ACSM1: variants seen among roughly 807,000 people sequenced by gnomAD.
The protein encoded by ACSM1 is acyl-CoA synthetase medium chain family member 1, also known as acyl-coenzyme A synthetase ACSM1, mitochondrial.
ACSM1 carries 79 observed loss-of-function variants against 75.8 expected under a neutral mutation model. The ratio of observed to expected loss-of-function variants is 1.04; its 90% confidence interval spans 0.87 to 1.26. The LOEUF is 1.26. ACSM1 is among the 50% of genes most tolerant of loss of function. The probability of loss-of-function intolerance (pLI) is 0.00; values close to 1 mark genes in which losing one functional copy is unlikely to be tolerated. For synonymous variants in ACSM1, 279 were observed against 265.8 expected (o/e 1.05, Z -0.48); for missense variants, 676 against 720.1 (o/e 0.94, Z 0.70).
At position 20,625,572 on chromosome 16, in the gene ACSM1, G is replaced by C. The variant is rs774585776; in HGVS notation, c.1428-50C>G. Reference sequence around the variant, plus strand: ...AGATGCCAGGGCTGGGGTGAACCAAGTCCCCAGATCTCCTGCTTTGGAGTC... The same window carrying C: ...AGATGCCAGGGCTGGGGTGAACCAACTCCCCAGATCTCCTGCTTTGGAGTC... On this transcript the variant is annotated intron_variant, in intron 11 of 13. Coordinates refer to ENST00000520010, the MANE Select transcript of ACSM1 (RefSeq NM_001318890.3). 2.0e-6 allele frequency: 3 copies of C among 1,535,780 alleles called. No homozygotes were observed. The Admixed American group carries it at 5.2e-5, about 27-fold the overall frequency.
chr16:20,623,648 T>G, intron 13 of ACSM1, 76 bp from the exon 14 acceptor site: 1 of 1,413,206 alleles, frequency 7.1e-7, no homozygotes. Flanking sequence ...TCTCCTCCTC[T>G]GCCCCTCCAC....
At chr16:20,664,795 C>G (rs895771803) in intron 6 of ACSM1, among the ~76,000 whole-genome samples, 2 of 152,062 alleles carry the variant, frequency 1.3e-5, no homozygotes, top group Non-Finnish European at 2.9e-5. Flanking sequence ...AAAATCTTAC[C>G]AAAGTACATT....
chr16:20,663,860 T>G (rs1432169137), intron 6 of ACSM1, among the ~76,000 whole-genome samples: 1 of 152,202 alleles, frequency 6.6e-6, no homozygotes, highest in Admixed American at 6.6e-5. Context: ...TGAAGTAGGC[T>G]TCTGTTACTG....
chr16:20,644,694 G>C (rs1270837470), intron 7 of ACSM1, among the ~76,000 whole-genome samples: 1 of 152,164 alleles, frequency 6.6e-6, no homozygotes, highest in East Asian at 1.9e-4. Flanking sequence ...AAGCCTTAAA[G>C]TACAAAGCCA....
At chr16:20,634,284 A>G (rs1203186696) in intron 10 of ACSM1, among the ~76,000 whole-genome samples, 2 of 152,196 alleles carry the variant, frequency 1.3e-5, no homozygotes, top group African/African-American at 2.4e-5. Context: ...TGGTTTGGTA[A>G]TTTATTTCAA....
intron 10 of ACSM1, among the ~76,000 whole-genome samples, chr16:20,633,004 T>C (rs1250455388): frequency 2.6e-5 from 4 of 152,126 alleles, no homozygotes; most frequent in African/African-American, 9.7e-5. Flanking sequence ...CTAAATAAAC[T>C]AGGAAACTTC....
intron 7 of ACSM1, among the ~76,000 whole-genome samples, chr16:20,644,186 A>G (rs1449244345): frequency 6.6e-6 from 1 of 152,244 alleles, no homozygotes; most frequent in Non-Finnish European, 1.5e-5. Flanking sequence ...ATCCTAACCA[A>G]GTAACCCACA....
At chr16:20,623,988 T>C (rs776600392) in intron 13 of ACSM1, 108 bp downstream of exon 13, 42 of 1,510,092 alleles carry the variant, frequency 2.8e-5, no homozygotes, top group African/African-American at 4.1e-5. Context: ...CCTTCAGTGT[T>C]GTAAACCTCC....
chr16:20,687,160 A>T (rs1251821005), intron 2 of ACSM1, among the ~76,000 whole-genome samples: 1 of 152,042 alleles, frequency 6.6e-6, no homozygotes, highest in East Asian at 1.9e-4. Context: ...GTCTTGCCTG[A>T]CTTGCAGGTC....
chr16:20,631,498 T>C (rs2017344195), intron 10 of ACSM1, among the ~76,000 whole-genome samples: 1 of 152,194 alleles, frequency 6.6e-6, no homozygotes, highest in Non-Finnish European at 1.5e-5. Context: ...TACCATTCGA[T>C]CCAGCAATCC....
At chr16:20,668,778 G>T (rs1377285368) in intron 6 of ACSM1, among the ~76,000 whole-genome samples, 1 of 152,170 alleles carries the variant, frequency 6.6e-6, no homozygotes, top group African/African-American at 2.4e-5. Context: ...GCAAATGGAG[G>T]ATGTTCTTTG....
chr16:20,682,376 G>GT lies in ACSM1; in HGVS notation c.490dup (p.Thr164AsnfsTer27). The GT allele has an allele frequency of 6.2e-7, 1 of 1,613,956 alleles. No individual in the cohort carries two copies. Among genetic ancestry groups the GT allele is most frequent in the Non-Finnish European group, 8.5e-7 (1 of 1,179,844 alleles). On this transcript the variant is annotated frameshift_variant, in exon 4 of 14. Coordinates refer to ENST00000520010, the MANE Select transcript of ACSM1 (RefSeq NM_001318890.3). LOFTEE classifies it high-confidence loss of function. ...CACCTCTGAGGCAAGGGCATCTATG[G>GT]TCACAATGCCCTTGGCTTTAGACAA...
At position 20,649,557 on chromosome 16, in the gene ACSM1, C is replaced by G. The variant is rs555017092; in HGVS notation, c.993-8973G>C. ...ATTTTACAACCTGTTCTCTCTCTCT[C>G]TCTCTGATGTCTGGTATCTGACAGA... On this transcript the variant is annotated intron_variant, in intron 7 of 13. Transcript: ENST00000520010. Among the ~76,000 whole-genome samples the G allele has an allele frequency of 1.3e-4, 20 of 152,306 alleles. No individual in the cohort carries two copies. In the East Asian group the frequency reaches 1.5e-3, roughly 12 times the overall value.
intron 2 of ACSM1, 100 bp downstream of exon 2, chr16:20,690,897 A>G: frequency 8.7e-7 from 1 of 1,151,218 alleles, no homozygotes; most frequent in Non-Finnish European, 1.2e-6. Context: ...AAGTTGAGGC[A>G]GAAGTAACTT....
intron 4 of ACSM1, among the ~76,000 whole-genome samples, chr16:20,676,953 G>A (rs2020319398): frequency 6.6e-6 from 1 of 152,080 alleles, no homozygotes; most frequent in Non-Finnish European, 1.5e-5. Context: ...AGGACATAAA[G>A]TGTCAGAAAA....
chr16:20,671,680 G>A lies in ACSM1; in HGVS notation c.612-9C>T, dbSNP rs1390220441. 5.2e-6 allele frequency: 8 copies of A among 1,543,892 alleles called. No individual in the cohort carries two copies. Among genetic ancestry groups the A allele is most frequent in the Non-Finnish European group, 7.0e-6 (8 of 1,142,838 alleles). On this transcript the variant is annotated splice_polypyrimidine_tract_variant and intron_variant, in intron 4 of 13. Transcript: ENST00000520010. The stretch of plus-strand genomic sequence containing the variant: ...GTTCTGGGGATGCTGATCTGCAAAG[G>A]GGTTCAAGACAAAAGGAAAAAAGTC...
chr16:20,626,339 G>A (rs1016007884), intron 11 of ACSM1, among the ~76,000 whole-genome samples: 2 of 149,346 alleles, frequency 1.3e-5, no homozygotes, highest in African/African-American at 2.5e-5. Context: ...CTCTGTCTCA[G>A]AAAAATAAAA....
At chr16:20,657,693 G>T (rs190348952) in intron 7 of ACSM1, among the ~76,000 whole-genome samples, 1 of 152,034 alleles carries the variant, frequency 6.6e-6, no homozygotes, top group African/African-American at 2.4e-5. Flanking sequence ...TGCCACGATG[G>T]TGTGCTGCAC....
intron 2 of ACSM1, among the ~76,000 whole-genome samples, chr16:20,687,111 G>A (rs1333750361): frequency 6.6e-6 from 1 of 151,614 alleles, no homozygotes; most frequent in Admixed American, 6.6e-5. Context: ...TGTTTACAAT[G>A]TTCTGGCTTG....
Sources: allele counts gnomAD v4.1 joint callset (sites outside exome capture counted in the v4.1 genomes callset), GRCh38; gene constraint gnomAD v4.1.1; transcripts MANE v1.5; gene names NCBI Gene and HGNC (gene_info 2026-07-23, HGNC 2026-07-21).